USP47: variants seen among roughly 807,000 people sequenced by gnomAD.
USP47 encodes ubiquitin carboxyl-terminal hydrolase 47.
USP47 carries 35 observed loss-of-function variants against 165.1 expected under a neutral mutation model. That is an observed-to-expected ratio of 0.21 (90% CI 0.16 to 0.28). The LOEUF is 0.28. USP47 is among the 10% of genes least tolerant of loss of function. The pLI is 1.00. For missense variants in USP47, 1,277 were observed against 1,607.4 expected, an observed-to-expected ratio of 0.79 and a Z score of 3.52; for synonymous variants, 531 against 544.5, an observed-to-expected ratio of 0.98 and a Z score of 0.35.
intron 8 of USP47, among the ~76,000 whole-genome samples, chr11:11,909,085 G>C (rs1477957705): frequency 6.6e-6 from 1 of 152,090 alleles, no homozygotes; most frequent in East Asian, 1.9e-4. Flanking sequence ...GGATTCTGAG[G>C]AACATAATAT....
rs146883839 is a variant in USP47 at position 11,900,992 on chromosome 11, G to A, written c.594-1723G>A. 7.0e-4 allele frequency among the ~76,000 whole-genome samples: 106 copies of A among 152,266 alleles called. 1 individual carries two copies. Among genetic ancestry groups the A allele is most frequent in the Non-Finnish European group, 7.2e-4 (49 of 68,016 alleles). On this transcript the variant is annotated intron_variant, in intron 5 of 27. Coordinates refer to ENST00000527733, the MANE Select transcript of USP47 (RefSeq NM_001282659.2). Reference sequence around the variant, plus strand: ...TCAGTTATAAGTACCCGCTATTGAAGATAACCAGAAAAAAGGGAGCTGGGG... The same window carrying A: ...TCAGTTATAAGTACCCGCTATTGAAAATAACCAGAAAAAAGGGAGCTGGGG...
At chr11:11,898,196 T>C (rs2134420366) in intron 5 of USP47, among the ~76,000 whole-genome samples, 1 of 152,178 alleles carries the variant, frequency 6.6e-6, no homozygotes, top group African/African-American at 2.4e-5. Flanking sequence ...TTTAAAATGC[T>C]CTATGGAGGA....
intron 20 of USP47, among the ~76,000 whole-genome samples, chr11:11,946,128 T>C (rs1320219377): frequency 6.6e-6 from 1 of 152,142 alleles, no homozygotes; most frequent in Non-Finnish European, 1.5e-5. Context: ...TTATAGCCAA[T>C]AAATTAACAC....
chr11:11,888,892 T>C (rs575169353), intron 3 of USP47, among the ~76,000 whole-genome samples: 2 of 152,266 alleles, frequency 1.3e-5, no homozygotes, highest in Non-Finnish European at 2.9e-5. Flanking sequence ...CAAGGTTTGT[T>C]CAACATATGC....
At chr11:11,854,980 A>C in intron 1 of USP47, among the ~76,000 whole-genome samples, 1 of 151,240 alleles carries the variant, frequency 6.6e-6, no homozygotes, top group East Asian at 1.9e-4. Context: ...CTGTAGTCCC[A>C]GCTACTCGGG....
At chr11:11,876,135 G>A (rs369840244) in intron 1 of USP47, among the ~76,000 whole-genome samples, 1 of 152,072 alleles carries the variant, frequency 6.6e-6, no homozygotes, top group East Asian at 1.9e-4. Flanking sequence ...GATTTTCTTT[G>A]TAGAAAACTT....
At chr11:11,890,032 A>G (rs954189732) in intron 3 of USP47, among the ~76,000 whole-genome samples, 2 of 152,190 alleles carry the variant, frequency 1.3e-5, no homozygotes, top group African/African-American at 4.8e-5. Flanking sequence ...CCTTCCTTAC[A>G]CCATAAACAA....
At chr11:11,953,029 G>A (rs1856325543) in intron 25 of USP47, among the ~76,000 whole-genome samples, 158 bp downstream of exon 25, 2 of 152,060 alleles carry the variant, frequency 1.3e-5, no homozygotes, top group African/African-American at 4.8e-5. Context: ...TTTCTTTTTG[G>A]TTTCTGTCAC....
chr11:11,886,404 C>T (rs1384316867), intron 3 of USP47, among the ~76,000 whole-genome samples: 1 of 152,152 alleles, frequency 6.6e-6, no homozygotes, highest in Non-Finnish European at 1.5e-5. Flanking sequence ...CATTACTGAC[C>T]TGATAGAGCT....
At chr11:11,885,693 A>G (rs1851114770) in intron 3 of USP47, among the ~76,000 whole-genome samples, 1 of 152,144 alleles carries the variant, frequency 6.6e-6, no homozygotes, top group African/African-American at 2.4e-5. Context: ...CCATACATAA[A>G]TACCCCTAGG....
At chr11:11,955,237 A>G (rs937765855) in intron 27 of USP47, 73 bp downstream of exon 27, 1 of 1,536,128 alleles carries the variant, frequency 6.5e-7, no homozygotes, top group South Asian at 1.3e-5. Context: ...TTTTCCATAA[A>G]TATCTTTACT....
chr11:11,878,214 A>G (rs1850604957), intron 1 of USP47, among the ~76,000 whole-genome samples: 2 of 152,168 alleles, frequency 1.3e-5, no homozygotes, highest in African/African-American at 4.8e-5. Flanking sequence ...ATGTTGCCAC[A>G]TCACCATTCT....
intron 19 of USP47, among the ~76,000 whole-genome samples, chr11:11,940,907 T>A (rs1235955083): frequency 6.6e-6 from 1 of 151,916 alleles, no homozygotes; most frequent in Non-Finnish European, 1.5e-5. Context: ...TGGATTGTGT[T>A]TATTCTTGAG....
chr11:11,939,499 A>G lies in USP47; in HGVS notation c.2194-930A>G, dbSNP rs547183792. On this transcript the variant is annotated intron_variant, in intron 18 of 27. Transcript: ENST00000527733. ...AAAGTCTATATTTTGACTTCTGTAT[A>G]TGACTTCTAACAATTTTGCTAAAGT... Among the ~76,000 whole-genome samples the G allele has an allele frequency of 3.9e-5, 6 of 152,208 alleles. No homozygotes were observed. The East Asian group carries it at 1.2e-3, about 29-fold the overall frequency.
chr11:11,959,628 A>G lies in USP47; in HGVS notation c.*3453A>G, dbSNP rs572726776. Among the ~76,000 whole-genome samples, 5 of 152,322 alleles carry G rather than the reference A, an allele frequency of 3.3e-5. No individual in the cohort carries two copies. Among genetic ancestry groups the G allele is most frequent in the Middle Eastern group, 3.4e-3 (1 of 294 alleles). ...TCACAACTTGACTTTCAGAAACAAG[A>G]ATACTGCACAAACTCAAGCATGCAT... On this transcript the variant is annotated 3_prime_UTR_variant, in exon 28 of 28. Coordinates refer to ENST00000527733, the MANE Select transcript of USP47 (RefSeq NM_001282659.2).
chr11:11,862,890 G>A lies in USP47; in HGVS notation c.40-17287G>A, dbSNP rs561660440. Among the ~76,000 whole-genome samples the A allele has an allele frequency of 3.3e-5, 5 of 152,058 alleles. 1 individual carries two copies. Among genetic ancestry groups the A allele is most frequent in the African/African-American group, 7.2e-5 (3 of 41,404 alleles). Reference sequence around the variant, plus strand: ...TAATTTTGTTACATGCATAGATTGTGTAGTAGTGAAGGCAGGTATTTTAGG... The same window carrying A: ...TAATTTTGTTACATGCATAGATTGTATAGTAGTGAAGGCAGGTATTTTAGG... On this transcript the variant is annotated intron_variant, in intron 1 of 27. Coordinates refer to ENST00000527733, the MANE Select transcript of USP47 (RefSeq NM_001282659.2).
At chr11:11,911,644 A>T (rs1852997501) in intron 8 of USP47, among the ~76,000 whole-genome samples, 1 of 152,176 alleles carries the variant, frequency 6.6e-6, no homozygotes, top group Admixed American at 6.5e-5. Context: ...AAAAAGACAA[A>T]TCTACAATTA....
intron 13 of USP47, 144 bp from the exon 14 acceptor site, chr11:11,930,552 T>G: frequency 1.5e-6 from 1 of 669,938 alleles, no homozygotes; most frequent in Non-Finnish European, 2.5e-6. Flanking sequence ...ATCTGGAATG[T>G]TTTAAATCTC....
At chr11:11,898,553 C>T (rs1359537866) in intron 5 of USP47, among the ~76,000 whole-genome samples, 1 of 151,920 alleles carries the variant, frequency 6.6e-6, no homozygotes, top group Admixed American at 6.5e-5. Flanking sequence ...GCATGTATTG[C>T]CCTGTAGTGT....
Sources: gnomAD v4.1 joint callset for allele counts (sites outside exome capture counted in the v4.1 genomes callset) on GRCh38, gnomAD v4.1.1 for gene constraint, MANE v1.5 for transcripts, NCBI Gene and HGNC (gene_info 2026-07-23, HGNC 2026-07-21) for gene names.